Variants in KCNH4 observed in about 807,000 individuals in gnomAD.
KCNH4 encodes the protein potassium voltage-gated channel subfamily H member 4.
Under a neutral mutation model 90.7 loss-of-function variants are expected in KCNH4, and 33 were observed. The observed-to-expected ratio is 0.36, with a 90% CI of 0.28 to 0.49. The LOEUF is 0.49. KCNH4 is among the 20% of genes least tolerant of loss of function. KCNH4 has a pLI of 0.98. For missense variants in KCNH4, 1,044 were observed against 1,387.1 expected (o/e 0.75, Z 3.93); for synonymous variants, 551 against 581.7 (o/e 0.95, Z 0.76).
rs778706807 is a variant in KCNH4 at position 42,163,134 on chromosome 17, C to T, written c.2584+94G>A. 3.0e-4 allele frequency: 259 copies of T among 868,994 alleles called. 1 individual carries two copies. The Middle Eastern group carries it at 0.013, about 43-fold the overall frequency. 53.8% of individuals were successfully genotyped at this position (868,994 alleles called of 1,614,324 possible). ...TTATCTGTGTATTCCCAGGATGGCA[C>T]CTGGCACATGGTAGGCCCCTACTAC... On this transcript the variant is annotated intron_variant, in intron 14 of 16. Coordinates refer to ENST00000264661, the MANE Select transcript of KCNH4 (RefSeq NM_012285.3). This position sits in a 1 kb window ranked among gnomAD's most constrained non-coding sequence, Gnocchi z 5.4.
Position 42,178,779 on chromosome 17 carries a change from G to T in KCNH4, c.310+14C>A. On this transcript the variant is annotated intron_variant, in intron 2 of 16. Transcript: ENST00000264661. ...GGTCTAGGCAGAGCTGCAGGGTGGG[G>T]TGAGCCCCCTCACCATCCTTGCGGT... 1 of 1,604,674 alleles carries T rather than the reference G, an allele frequency of 6.2e-7. No homozygotes were observed. The highest frequency in any genetic ancestry group is 8.5e-7 in the Non-Finnish European group (1 of 1,173,750).
chr17:42,163,433 A>G lies in KCNH4; in HGVS notation c.2478-99T>C. 1.1e-6 allele frequency: 1 copy of G among 891,386 alleles called. No homozygotes were observed. Among genetic ancestry groups the G allele is most frequent in the Non-Finnish European group, 1.8e-6 (1 of 563,800 alleles). The allele number at this position is 891,386 out of a possible 1,614,324, so 55.2% of individuals were successfully genotyped here. On this transcript the variant is annotated intron_variant, in intron 13 of 16. Coordinates refer to ENST00000264661, the MANE Select transcript of KCNH4 (RefSeq NM_012285.3). The surrounding 1 kb of genome is among the most constrained non-coding windows in gnomAD (Gnocchi z 5.4). ...TGGGGGCAGCAGTGCCAGGGGGCGG[A>G]GCAAGAGCAGCAGTCAAAGTGGGTT...
In KCNH4 at chr17:42,176,043, G is replaced by A; in HGVS notation, c.829+11C>T. Reference sequence around the variant, plus strand: ...CCGACCCACCAGGGTGGGTGAGGCAGAAGGTCTGACCTAGGATGAAGAGCA... The same window carrying A: ...CCGACCCACCAGGGTGGGTGAGGCAAAAGGTCTGACCTAGGATGAAGAGCA... On this transcript the variant is annotated intron_variant, in intron 5 of 16. Coordinates refer to ENST00000264661, the MANE Select transcript of KCNH4 (RefSeq NM_012285.3). 6.3e-7 allele frequency: 1 copy of A among 1,585,848 alleles called. No homozygotes were observed. Among genetic ancestry groups the A allele is most frequent in the Non-Finnish European group, 8.6e-7 (1 of 1,161,850 alleles).
At chr17:42,165,895 T>C (rs569524070) in intron 10 of KCNH4, among the ~76,000 whole-genome samples, 1 of 151,968 alleles carries the variant, frequency 6.6e-6, no homozygotes, top group South Asian at 2.1e-4. Flanking sequence ...AGACAGTCAG[T>C]GGGAGTGAGT....
intron 16 of KCNH4, among the ~76,000 whole-genome samples, chr17:42,159,463 A>T (rs1249984047): frequency 6.6e-6 from 1 of 152,134 alleles, no homozygotes; most frequent in African/African-American, 2.4e-5. Context: ...GCCTGGGCTC[A>T]TGGTGGGCGG....
rs1300979999 is a variant in KCNH4, at chr17:42,176,244, C to G, written c.639G>C (p.Gly213=). The change falls in exon 5 of 17, where the codon GGG becomes GGC. Residue 213 remains glycine (G), a synonymous_variant. Coordinates refer to ENST00000264661, the MANE Select transcript of KCNH4 (RefSeq NM_012285.3). The part of the protein sequence containing the change: ...SVPEYKVASV[G]GSRCLLLHYS... ...AGTGGAGGAGGAGGCAGCGAGACCCCCCCACGGAGGCCACCTTGTACTCGG... is the reference window on the plus strand; with the variant it reads ...AGTGGAGGAGGAGGCAGCGAGACCCGCCCACGGAGGCCACCTTGTACTCGG... The G allele has an allele frequency of 6.2e-7, 1 of 1,613,864 alleles. No individual in the cohort carries two copies. Among genetic ancestry groups the G allele is most frequent in the South Asian group, 1.1e-5 (1 of 91,082 alleles).
intron 16 of KCNH4, among the ~76,000 whole-genome samples, chr17:42,158,852 A>G (rs1184693750): frequency 1.3e-5 from 2 of 150,492 alleles, no homozygotes; most frequent in Non-Finnish European, 3.0e-5. Context: ...ATATATATAT[A>G]TATATTTTTT....
At chr17:42,179,853 G>C (rs2079888880) in intron 1 of KCNH4, among the ~76,000 whole-genome samples, 1 of 152,256 alleles carries the variant, frequency 6.6e-6, no homozygotes, top group African/African-American at 2.4e-5. Context: ...AACCCGAGCT[G>C]TCTCCCTCCA....
At chr17:42,179,150 T>G in intron 1 of KCNH4, 124 bp from the exon 2 acceptor site, 1 of 656,832 alleles carries the variant, frequency 1.5e-6, no homozygotes. Flanking sequence ...GTTTCCATGT[T>G]GCTCCTGACC....
chr17:42,176,940 G>A (rs1159683760), intron 4 of KCNH4, among the ~76,000 whole-genome samples: 2 of 152,218 alleles, frequency 1.3e-5, no homozygotes, highest in Admixed American at 6.5e-5. Flanking sequence ...TGCCCAGGCT[G>A]GAGTGCAGTG....
In KCNH4 at chr17:42,180,908, G is replaced by C; in HGVS notation, c.38C>G (p.Thr13Ser). 1 of 1,613,930 alleles carries C rather than the reference G, an allele frequency of 6.2e-7. No homozygotes were observed. Among genetic ancestry groups the C allele is most frequent in the Non-Finnish European group, 8.5e-7 (1 of 1,179,936 alleles). The change falls in exon 1 of 17, where the codon ACC (threonine) becomes AGC (serine). Residue 13 changes from threonine (T) to serine (S), a missense_variant. Physicochemically the swap from Thr to Ser is moderately conservative, Grantham distance 58 (BLOSUM62 1). This residue lies in a region of KCNH4 where 283 missense variants were observed against 378.6 expected (regional missense o/e 0.75). Coordinates refer to ENST00000264661, the MANE Select transcript of KCNH4 (RefSeq NM_012285.3). The surrounding 1 kb of genome is among the most constrained non-coding windows in gnomAD (Gnocchi z 4.7). ...VMKGLLAPQN[T>S]FLDTIATRFD... ...ACGGGTGGCGATGGTGTCCAGGAAGGTGTTTTGCGGGGCCAGCAACCCCTT... is the reference window on the plus strand; with the variant it reads ...ACGGGTGGCGATGGTGTCCAGGAAGCTGTTTTGCGGGGCCAGCAACCCCTT...
At chr17:42,175,430 C>T (rs1363608279) in intron 6 of KCNH4, 149 bp downstream of exon 6, 1 of 924,696 alleles carries the variant, frequency 1.1e-6, no homozygotes, top group Admixed American at 2.0e-5. Context: ...GTACCTAGCA[C>T]AGGGCTATGC....
chr17:42,160,177 C>A lies in KCNH4; in HGVS notation c.2917G>T (p.Asp973Tyr). Residue 973 changes from aspartate (D) to tyrosine (Y), a missense_variant, in exon 16 of 17, where the codon GAC becomes TAC. Around this residue, in one of 4 missense-constraint regions of KCNH4, gnomAD observed 441 missense variants for 512.3 expected, o/e 0.86. Transcript: ENST00000264661. ...GGGGGCAATATGGAAGGTCTCAAGT[C>A]CAGGAGCGCAGTCCCTGTCTCCATG... ...GTMETGTALL[D>Y]LRPSILPPYP... 1 of 1,613,542 alleles carries A rather than the reference C, an allele frequency of 6.2e-7. No individual in the cohort carries two copies. Among genetic ancestry groups the A allele is most frequent in the Non-Finnish European group, 8.5e-7 (1 of 1,179,632 alleles).
At chr17:42,159,277 T>C (rs2079729214) in intron 16 of KCNH4, among the ~76,000 whole-genome samples, 2 of 152,244 alleles carry the variant, frequency 1.3e-5, no homozygotes, top group Non-Finnish European at 2.9e-5. Context: ...TCCGCCTGCC[T>C]TGGCCTCCCA....
intron 9 of KCNH4, among the ~76,000 whole-genome samples, chr17:42,167,267 T>C (rs1013518247): frequency 6.6e-6 from 1 of 152,114 alleles, no homozygotes; most frequent in East Asian, 1.9e-4. Context: ...AGACCTGATT[T>C]CTTTTTTCTT....
intron 4 of KCNH4, 120 bp downstream of exon 4, chr17:42,177,980 G>T: frequency 7.8e-7 from 1 of 1,288,342 alleles, no homozygotes; most frequent in Non-Finnish European, 1.1e-6. Context: ...AAATGGGTGG[G>T]CAGAGGAGCA....
rs1232322387 is a variant in KCNH4, at chr17:42,166,562, A to G, written c.1591-16T>C. 5 of 1,597,742 alleles carry G rather than the reference A, an allele frequency of 3.1e-6. No individual in the cohort carries two copies. The highest frequency in any genetic ancestry group is 4.3e-6 in the Non-Finnish European group (5 of 1,167,014). ...CACGCAGTAACTGCATAAGGGGCAT[A>G]GGTCATTCTGGCCATCCCCCTGCAG... On this transcript the variant is annotated splice_polypyrimidine_tract_variant and intron_variant, in intron 9 of 16. Transcript: ENST00000264661.
In KCNH4 at chr17:42,178,242, G is replaced by T. The variant is rs2079876181; in HGVS notation, c.458-15C>A. The T allele has an allele frequency of 6.2e-7, 1 of 1,614,116 alleles. No individual in the cohort carries two copies. ...AAGGGAGTTTTCTGTTGGGAAGAAA[G>T]GTGCAGAGATACGTTGGGGCACATC... is the stretch of plus-strand genomic sequence containing the variant. On this transcript the variant is annotated splice_polypyrimidine_tract_variant and intron_variant, in intron 3 of 16. Transcript: ENST00000264661.
At position 42,163,826 on chromosome 17, in the gene KCNH4, G is replaced by T; in HGVS notation, c.2257C>A (p.Arg753=). Residue 753 remains arginine (R), a synonymous_variant, in exon 13 of 17, where the codon CGG becomes AGG. Coordinates refer to ENST00000264661, the MANE Select transcript of KCNH4 (RefSeq NM_012285.3). The surrounding 1 kb of genome is among the most constrained non-coding windows in gnomAD (Gnocchi z 5.4). Reference sequence around the variant, plus strand: ...AGGCTGACCAGGGAGCCCCGAGGCCGTGCTGGGCTGAGGTTGGGCAGCAGG... The same window carrying T: ...AGGCTGACCAGGGAGCCCCGAGGCCTTGCTGGGCTGAGGTTGGGCAGCAGG... ...PLLLPNLSPA[R]PRGSLVSLLG... is the part of the protein sequence containing the mutation. The T allele has an allele frequency of 1.3e-6, 2 of 1,519,178 alleles. No individual in the cohort carries two copies. The allele number at this position is 1,519,178 out of a possible 1,614,324, so 94.1% of individuals were successfully genotyped here.
Sources: gnomAD v4.1 joint callset for allele counts (sites outside exome capture counted in the v4.1 genomes callset) on GRCh38, gnomAD v4.1.1 for gene constraint, gnomAD v4.1.1 regional missense constraint, Gnocchi (gnomAD v3.1) non-coding constraint, MANE v1.5 for transcripts, NCBI Gene and HGNC (gene_info 2026-07-23, HGNC 2026-07-21) for gene names.